SLK: variants seen among roughly 807,000 people sequenced by gnomAD.
SLK encodes the protein STE20 like kinase, also known as STE20-like serine/threonine-protein kinase.
Under a neutral mutation model 147.7 loss-of-function variants are expected in SLK, and 67 were observed. That is an observed-to-expected ratio of 0.45 (90% CI 0.37 to 0.56). The LOEUF (loss-of-function observed/expected upper bound fraction) is 0.56, where lower values mean the gene tolerates loss of function less well. Among genes scored for constraint, SLK ranks in the 20% least tolerant of loss-of-function variants. The probability of loss-of-function intolerance (pLI) is 0.00; values close to 1 mark genes in which losing one functional copy is unlikely to be tolerated. For missense variants in SLK, 1,136 were observed against 1,438.8 expected (o/e 0.79, Z 3.41); for synonymous variants, 441 against 475.0 (o/e 0.93, Z 0.93).
intron 8 of SLK, among the ~76,000 whole-genome samples, chr10:104,001,792 T>C (rs805654): frequency 0.94 from 142,871 of 152,220 alleles, 67,579 homozygotes; most frequent in East Asian, 1. Flanking sequence ...CAGTGGTCAC[T>C]ACAACCTCTG....
chr10:103,996,555 C>T (rs1039986582), intron 4 of SLK, among the ~76,000 whole-genome samples: 17 of 151,836 alleles, frequency 1.1e-4, no homozygotes, highest in African/African-American at 2.9e-4. Flanking sequence ...CCCGTCACCA[C>T]GCCCAGCTAA....
chr10:103,974,232 C>G (rs1228563234), intron 1 of SLK, among the ~76,000 whole-genome samples: 1 of 152,100 alleles, frequency 6.6e-6, no homozygotes, highest in Non-Finnish European at 1.5e-5. Context: ...TCTTAAGATT[C>G]TTCATGTCCC....
In SLK at chr10:103,967,564, C is replaced by G. The variant is rs1843730346; in HGVS notation, c.-182C>G. On this transcript the variant is annotated 5_prime_UTR_variant, in exon 1 of 19. Coordinates refer to ENST00000369755, the MANE Select transcript of SLK (RefSeq NM_014720.4). ...GGCCGCTCGCGCAGCACCCCCACCGCGGGCCGGAGCCCGGGTCGCCGCCCC... is the reference window on the plus strand; with the variant it reads ...GGCCGCTCGCGCAGCACCCCCACCGGGGGCCGGAGCCCGGGTCGCCGCCCC... 1.2e-5 allele frequency: 2 copies of G among 169,574 alleles called. No individual in the cohort carries two copies. The highest frequency in any genetic ancestry group is 6.7e-5 in the Admixed American group (1 of 15,004). The allele number at this position is 169,574 out of a possible 1,614,324, so 10.5% of individuals were successfully genotyped here. A position where few individuals can be genotyped will look rare whatever the true frequency, so the allele number is the denominator to read the frequency against.
At chr10:103,988,638 T>C (rs1238289343) in intron 1 of SLK, among the ~76,000 whole-genome samples, 1 of 152,206 alleles carries the variant, frequency 6.6e-6, no homozygotes, top group Admixed American at 6.5e-5. Flanking sequence ...GGAAAGCCTT[T>C]TAACCCCTCA....
chr10:103,986,748 G>A (rs150935086), intron 1 of SLK, among the ~76,000 whole-genome samples: 199 of 145,700 alleles, frequency 1.4e-3, no homozygotes, highest in African/African-American at 4.9e-3. Context: ...GCACGATCTC[G>A]GCTCACTGCA....
chr10:104,025,642 T>C lies in SLK; in HGVS notation c.3630T>C (p.Ser1210=). 6.2e-7 allele frequency: 1 copy of C among 1,613,502 alleles called. No homozygotes were observed. The highest frequency in any genetic ancestry group is 8.5e-7 in the Non-Finnish European group (1 of 1,179,408). The change falls in exon 19 of 19, where the codon TCT becomes TCC. Residue 1210 remains serine (S), a synonymous_variant. Coordinates refer to ENST00000369755, the MANE Select transcript of SLK (RefSeq NM_014720.4). ...TATTCTTTAAAATGACTGGGGAGTC[T>C]GAATGCCTTAACCCATCAACACAGA... ...QEVFFKMTGE[S]ECLNPSTQSR...
At chr10:104,006,462 T>A (rs1844327495) in intron 11 of SLK, among the ~76,000 whole-genome samples, 1 of 152,194 alleles carries the variant, frequency 6.6e-6, no homozygotes, top group African/African-American at 2.4e-5. Flanking sequence ...AGGGGCTTTT[T>A]AAAAATGTGC....
chr10:103,996,591 G>C (rs1564656236), intron 4 of SLK, among the ~76,000 whole-genome samples: 1 of 151,854 alleles, frequency 6.6e-6, no homozygotes, highest in South Asian at 2.1e-4. Context: ...GTAGAGACGG[G>C]GTTTCACCGT....
chr10:104,012,525 G>C (rs1844412826), intron 13 of SLK, among the ~76,000 whole-genome samples: 1 of 152,104 alleles, frequency 6.6e-6, no homozygotes, highest in African/African-American at 2.4e-5. Flanking sequence ...TTTAATCTGA[G>C]TTAATTATCC....
intron 1 of SLK, among the ~76,000 whole-genome samples, chr10:103,978,128 A>G (rs1843894609): frequency 6.6e-6 from 1 of 152,140 alleles, no homozygotes; most frequent in South Asian, 2.1e-4. Flanking sequence ...ATAATTCGAC[A>G]TTGGAAATGT....
rs1437294867 is a variant in SLK, at chr10:104,001,699, C to G, written c.993+127C>G. 4.5e-5 allele frequency: 44 copies of G among 979,980 alleles called. No homozygotes were observed. In the Middle Eastern group the frequency reaches 1.4e-3, roughly 30 times the overall value. 60.7% of individuals were successfully genotyped at this position (979,980 alleles called of 1,614,324 possible). ...TAAATTTAGACCTGAAGATTAGTAG[C>G]AAGGTTGCTCGTCGCTGCACATTTT... On this transcript the variant is annotated intron_variant, in intron 8 of 18. Coordinates refer to ENST00000369755, the MANE Select transcript of SLK (RefSeq NM_014720.4).
intron 1 of SLK, among the ~76,000 whole-genome samples, chr10:103,975,789 T>A (rs1196072160): frequency 6.6e-6 from 1 of 152,174 alleles, no homozygotes; most frequent in African/African-American, 2.4e-5. Context: ...AAAATATGAT[T>A]CACGGCCCGG....
chr10:103,979,769 C>A (rs901906961), intron 1 of SLK, among the ~76,000 whole-genome samples: 2 of 151,986 alleles, frequency 1.3e-5, no homozygotes, highest in African/African-American at 4.8e-5. Flanking sequence ...ATCCTTTGTC[C>A]GTTATATATG....
intron 6 of SLK, 34 bp downstream of exon 6, chr10:103,999,347 C>G (rs749777736): frequency 6.9e-7 from 1 of 1,444,444 alleles, no homozygotes; most frequent in African/African-American, 1.4e-5. Flanking sequence ...TAATAAGAAA[C>G]AAATGATACT....
intron 1 of SLK, among the ~76,000 whole-genome samples, chr10:103,982,149 G>A (rs1438236415): frequency 1.3e-5 from 2 of 152,020 alleles, no homozygotes; most frequent in Admixed American, 6.6e-5. Flanking sequence ...ATTTCCAGAC[G>A]TGGTACATTT....
intron 1 of SLK, among the ~76,000 whole-genome samples, chr10:103,982,003 T>G (rs1285120635): frequency 1.3e-5 from 2 of 152,188 alleles, no homozygotes; most frequent in Non-Finnish European, 2.9e-5. Context: ...CTTCCAGCAT[T>G]GATTTTTTAG....
chr10:104,016,796 C>T (rs1324612941), intron 13 of SLK, among the ~76,000 whole-genome samples: 1 of 152,100 alleles, frequency 6.6e-6, no homozygotes, highest in Non-Finnish European at 1.5e-5. Context: ...AGCTGCCTGG[C>T]AGTGATCCAG....
intron 1 of SLK, among the ~76,000 whole-genome samples, chr10:103,977,849 T>G (rs1296655180): frequency 6.6e-6 from 1 of 152,152 alleles, no homozygotes; most frequent in Non-Finnish European, 1.5e-5. Flanking sequence ...CCCTCAACAT[T>G]GAAGTTTTTC....
intron 18 of SLK, among the ~76,000 whole-genome samples, chr10:104,021,983 A>G (rs1346697527): frequency 6.6e-6 from 1 of 152,140 alleles, no homozygotes; most frequent in African/African-American, 2.4e-5. Context: ...GAGGAGGAGG[A>G]GAGCTTAAAT....
Sources: gnomAD v4.1 joint callset for allele counts (sites outside exome capture counted in the v4.1 genomes callset) on GRCh38, gnomAD v4.1.1 for gene constraint, MANE v1.5 for transcripts, NCBI Gene and HGNC (gene_info 2026-07-23, HGNC 2026-07-21) for gene names.